The following TENM4 variants were observed in gnomAD, a reference collection of about 807,000 sequenced individuals.
TENM4 encodes teneurin transmembrane protein 4, also known as teneurin-4.
A neutral mutation model predicts 243.3 loss-of-function variants in TENM4; 82 were observed. The ratio of observed to expected loss-of-function variants is 0.34; its 90% CI spans 0.28 to 0.40. TENM4 has a LOEUF of 0.40. TENM4 is among the 10% of genes least tolerant of loss of function. The probability of loss-of-function intolerance (pLI) is 1.00; values close to 1 mark genes in which losing one functional copy is unlikely to be tolerated. For missense variants in TENM4, 3,138 were observed against 3,673.3 expected, an observed-to-expected ratio of 0.85 and a Z score of 3.77; for synonymous variants, 1,412 against 1,456.3, an observed-to-expected ratio of 0.97 and a Z score of 0.69.
intron 4 of TENM4, among the ~76,000 whole-genome samples, chr11:79,138,554 T>TAC (rs1219337139): frequency 1.9e-4 from 7 of 35,996 alleles, no homozygotes; most frequent in Non-Finnish European, 2.9e-4. Context: ...ATTATATTTA[T>TAC]ATAAATACAT....
intron 6 of TENM4, among the ~76,000 whole-genome samples, chr11:78,952,439 G>A (rs1468706706): frequency 6.6e-6 from 1 of 152,216 alleles, no homozygotes; most frequent in Non-Finnish European, 1.5e-5. Flanking sequence ...CTCTTTGAGA[G>A]GTAACAGCTG....
chr11:79,407,638 A>C (rs1858600572), intron 1 of TENM4, among the ~76,000 whole-genome samples: 1 of 152,224 alleles, frequency 6.6e-6, no homozygotes, highest in Non-Finnish European at 1.5e-5. Context: ...TGCTTTCTAG[A>C]AGAAAAATAT....
chr11:79,403,404 G>A (rs1590941347), intron 1 of TENM4, among the ~76,000 whole-genome samples: 1 of 152,038 alleles, frequency 6.6e-6, no homozygotes, highest in South Asian at 2.1e-4. Flanking sequence ...TTTCTTCACA[G>A]CAACTCTGCG....
intron 1 of TENM4, among the ~76,000 whole-genome samples, chr11:79,316,891 T>A (rs142519208): frequency 6.6e-6 from 1 of 152,334 alleles, no homozygotes; most frequent in African/African-American, 2.4e-5. Flanking sequence ...TGCACAAAGA[T>A]GCTTTGTTCG....
At chr11:79,241,832 C>T (rs1056860347) in intron 2 of TENM4, among the ~76,000 whole-genome samples, 1 of 152,124 alleles carries the variant, frequency 6.6e-6, no homozygotes, top group East Asian at 1.9e-4. Flanking sequence ...TCAAATCAAC[C>T]CCCACTCATC....
intron 4 of TENM4, among the ~76,000 whole-genome samples, chr11:79,104,757 C>T (rs1454331944): frequency 6.6e-6 from 1 of 152,174 alleles, no homozygotes; most frequent in Non-Finnish European, 1.5e-5. Context: ...TATTACTAGG[C>T]TTTGGCTAAG....
At chr11:79,418,342 G>A (rs1351424258) in intron 1 of TENM4, among the ~76,000 whole-genome samples, 1 of 152,036 alleles carries the variant, frequency 6.6e-6, no homozygotes, top group East Asian at 1.9e-4. Context: ...AGGGTATAAT[G>A]GATTTCCCTA....
intron 15 of TENM4, among the ~76,000 whole-genome samples, chr11:78,790,207 G>C (rs1857024302): frequency 6.6e-6 from 1 of 152,182 alleles, no homozygotes; most frequent in African/African-American, 2.4e-5. Flanking sequence ...ATAATCTATA[G>C]CTATGACTCA....
At chr11:78,864,788 T>C (rs966424249) in intron 9 of TENM4, among the ~76,000 whole-genome samples, 1 of 152,196 alleles carries the variant, frequency 6.6e-6, no homozygotes, top group African/African-American at 2.4e-5. Context: ...TGGTGAACAC[T>C]GTCTGAAAGC....
At chr11:78,870,792 C>CT (rs1029357411) in intron 9 of TENM4, among the ~76,000 whole-genome samples, 9 of 152,096 alleles carry the variant, frequency 5.9e-5, no homozygotes, top group African/African-American at 2.2e-4. Context: ...ACAGGTGAGC[C>CT]CACCACCAAT....
intron 3 of TENM4, chr11:79,191,869 A>T: frequency 5.7e-6 from 1 of 175,782 alleles, no homozygotes; most frequent in South Asian, 1.1e-4. Flanking sequence ...CCGTCTGAGA[A>T]GTGAGGAGCC....
chr11:78,876,719 G>T (rs1591091204), intron 9 of TENM4, among the ~76,000 whole-genome samples: 1 of 152,156 alleles, frequency 6.6e-6, no homozygotes, highest in Non-Finnish European at 1.5e-5. Flanking sequence ...AGGCAGTGAC[G>T]CTAGCTTATC....
intron 9 of TENM4, among the ~76,000 whole-genome samples, chr11:78,884,329 C>T (rs1050422499): frequency 6.6e-6 from 1 of 152,190 alleles, no homozygotes; most frequent in Non-Finnish European, 1.5e-5. Flanking sequence ...GTCTTTCCAG[C>T]CACTTCCATA....
intron 4 of TENM4, among the ~76,000 whole-genome samples, chr11:79,126,652 G>A (rs908415820): frequency 2.6e-5 from 4 of 152,088 alleles, no homozygotes; most frequent in Non-Finnish European, 5.9e-5. Flanking sequence ...AAAATTCTAG[G>A]TCGAATGGAC....
At chr11:78,914,331 C>A (rs1159927558) in intron 6 of TENM4, among the ~76,000 whole-genome samples, 1 of 152,226 alleles carries the variant, frequency 6.6e-6, no homozygotes, top group Non-Finnish European at 1.5e-5. Context: ...ACTACTGCTG[C>A]CTTCAAACTG....
chr11:78,700,553 A>G (rs1156751023), intron 28 of TENM4, among the ~76,000 whole-genome samples: 1 of 152,224 alleles, frequency 6.6e-6, no homozygotes. Context: ...CTCAAAAAGC[A>G]GCTTAAAAAA....
Position 78,672,265 on chromosome 11 carries a change from T to C in TENM4, c.5561A>G (p.Asp1854Gly). Residue 1854 changes from aspartate (D) to glycine (G), a missense_variant, in exon 31 of 34, where the codon GAT becomes GGT. This residue lies in a region of TENM4 where 2,467 missense variants were observed against 3,059.1 expected (regional missense o/e 0.81). Coordinates refer to ENST00000278550, the MANE Select transcript of TENM4 (RefSeq NM_001098816.3). The part of the protein sequence containing the change: ...DRVTRTEKIY[D>G]DHRKFTLRIL... ...CCGAAGGGTGAACTTGCGGTGGTCA[T>C]CATAGATCTTCTCTGTGCGTGTTAC... is the stretch of plus-strand genomic sequence containing the variant. 6.2e-7 allele frequency: 1 copy of C among 1,614,024 alleles called. No homozygotes were observed. Among genetic ancestry groups the C allele is most frequent in the Non-Finnish European group, 8.5e-7 (1 of 1,179,894 alleles).
At chr11:78,940,073 A>G (rs773501623) in intron 6 of TENM4, among the ~76,000 whole-genome samples, 1 of 152,210 alleles carries the variant, frequency 6.6e-6, no homozygotes, top group Non-Finnish European at 1.5e-5. Context: ...CAGCTACAAC[A>G]GTAATAACTG....
intron 6 of TENM4, among the ~76,000 whole-genome samples, chr11:78,944,266 GA>G (rs555929537): frequency 3.4e-5 from 5 of 146,808 alleles, no homozygotes; most frequent in Admixed American, 2.0e-4. Context: ...GACTCAGGCA[GA>G]AAAAAAAAAC....
Sources: allele counts gnomAD v4.1 joint callset (sites outside exome capture counted in the v4.1 genomes callset), GRCh38; gene constraint gnomAD v4.1.1; regional missense constraint gnomAD v4.1.1; transcripts MANE v1.5; gene names NCBI Gene and HGNC (gene_info 2026-07-23, HGNC 2026-07-21).